The following IKZF2 variants were observed in gnomAD, a reference collection of about 807,000 sequenced individuals.
IKZF2 encodes IKAROS family zinc finger 2, also known as zinc finger protein Helios.
A neutral mutation model predicts 49.2 loss-of-function variants in IKZF2; 15 were observed. That is an observed-to-expected ratio of 0.30 (90% confidence interval 0.20 to 0.47). The LOEUF is 0.47. Among genes scored for constraint, IKZF2 ranks in the 20% least tolerant of loss-of-function variants. The pLI is 1.00. For synonymous variants in IKZF2, 227 were observed against 221.4 expected, an observed-to-expected ratio of 1.03 and a Z score of -0.23; for missense variants, 567 against 664.6, an observed-to-expected ratio of 0.85 and a Z score of 1.61.
intron 4 of IKZF2, among the ~76,000 whole-genome samples, chr2:213,087,857 T>C (rs1044257888): frequency 6.6e-6 from 1 of 152,210 alleles, no homozygotes; most frequent in African/African-American, 2.4e-5. Flanking sequence ...CTGCATAGTA[T>C]TTATTCCATG....
chr2:213,103,981 C>T (rs1341845864), intron 4 of IKZF2, among the ~76,000 whole-genome samples: 1 of 151,844 alleles, frequency 6.6e-6, no homozygotes, highest in Admixed American at 6.6e-5. Context: ...TTTTAGTATT[C>T]AGAATTATAT....
intron 4 of IKZF2, among the ~76,000 whole-genome samples, chr2:213,059,723 G>A (rs952498417): frequency 4.0e-5 from 6 of 151,412 alleles, no homozygotes; most frequent in Non-Finnish European, 1.5e-5. Flanking sequence ...TGAAGAATAT[G>A]ACTGACATTA....
chr2:213,016,642 C>T (rs1051791538), intron 7 of IKZF2, among the ~76,000 whole-genome samples: 32 of 152,182 alleles, frequency 2.1e-4, no homozygotes, highest in Middle Eastern at 3.4e-3. Flanking sequence ...GGTAACTTCC[C>T]CTGTTTGAAC....
Position 213,003,759 on chromosome 2 carries a change from G to T in IKZF2, c.*3601C>A, listed in dbSNP as rs997640471. 8 of 151,626 alleles carry T rather than the reference G, an allele frequency of 5.3e-5. No homozygotes were observed. Among genetic ancestry groups the T allele is most frequent in the Admixed American group, 2.0e-4 (3 of 15,178 alleles). 9.4% of individuals were successfully genotyped at this position (151,626 alleles called of 1,614,324 possible). On this transcript the variant is annotated 3_prime_UTR_variant, in exon 9 of 9. Transcript: ENST00000434687. Reference sequence around the variant, plus strand: ...ATGGTTTTGTGAGTTGTACAACTGAGATAAAAACTATAAAAACAAAATACC... The same window carrying T: ...ATGGTTTTGTGAGTTGTACAACTGATATAAAAACTATAAAAACAAAATACC...
chr2:213,085,972 T>G (rs1704540095), intron 4 of IKZF2, among the ~76,000 whole-genome samples: 1 of 152,138 alleles, frequency 6.6e-6, no homozygotes, highest in Non-Finnish European at 1.5e-5. Context: ...TGATTAAAAG[T>G]TAGCAAGTGG....
At chr2:213,047,793 T>G (rs1472328258) in intron 6 of IKZF2, among the ~76,000 whole-genome samples, 1 of 152,100 alleles carries the variant, frequency 6.6e-6, no homozygotes, top group Non-Finnish European at 1.5e-5. Context: ...AATACTTACC[T>G]CATAATTTTG....
Position 213,006,102 on chromosome 2 carries a change from C to T in IKZF2, c.*1258G>A, listed in dbSNP as rs943786581. On this transcript the variant is annotated 3_prime_UTR_variant, in exon 9 of 9. Transcript: ENST00000434687. Reference sequence around the variant, plus strand: ...TTTGCAACAAGAGTAGTAAATACTACTGAAGAAATGCTAAAATAAATAGCC... The same window carrying T: ...TTTGCAACAAGAGTAGTAAATACTATTGAAGAAATGCTAAAATAAATAGCC... The T allele has an allele frequency of 3.3e-4, 50 of 152,062 alleles. No homozygotes were observed. The highest frequency in any genetic ancestry group is 1.1e-3 in the African/African-American group (46 of 41,502). The allele number at this position is 152,062 out of a possible 1,614,324, so 9.4% of individuals were successfully genotyped here. A position where few individuals can be genotyped will look rare whatever the true frequency, so the allele number is the denominator to read the frequency against.
At chr2:213,030,812 CT>C (rs918257825) in intron 6 of IKZF2, among the ~76,000 whole-genome samples, 236 of 133,684 alleles carry the variant, frequency 1.8e-3, no homozygotes, top group South Asian at 7.9e-3. Flanking sequence ...TACTATTTTT[CT>C]TTTTTTTTTT....
chr2:213,018,803 A>G (rs1237205633), intron 7 of IKZF2, among the ~76,000 whole-genome samples: 2 of 152,086 alleles, frequency 1.3e-5, no homozygotes, highest in Non-Finnish European at 2.9e-5. Context: ...TTCTCCTTGA[A>G]TATACATTCT....
intron 4 of IKZF2, among the ~76,000 whole-genome samples, chr2:213,124,781 T>C (rs16849791): frequency 0.022 from 3,330 of 152,276 alleles, 128 homozygotes; most frequent in African/African-American, 0.076. Context: ...GGAATTCAAC[T>C]TGCTAATCAA....
intron 4 of IKZF2, among the ~76,000 whole-genome samples, chr2:213,065,794 T>A (rs150657406): frequency 3.9e-5 from 6 of 152,126 alleles, no homozygotes; most frequent in African/African-American, 9.6e-5. Flanking sequence ...TATTTCCCTA[T>A]GATGCCAAAA....
intron 4 of IKZF2, among the ~76,000 whole-genome samples, chr2:213,060,415 T>C (rs927927920): frequency 6.6e-6 from 1 of 151,402 alleles, no homozygotes. Flanking sequence ...TACAATAATA[T>C]TCAGAGTGCT....
intron 4 of IKZF2, among the ~76,000 whole-genome samples, chr2:213,057,527 T>C (rs1701277815): frequency 6.6e-6 from 1 of 152,172 alleles, no homozygotes; most frequent in Non-Finnish European, 1.5e-5. Context: ...ATACTTCATA[T>C]TCTCTGTTTC....
At position 213,007,433 on chromosome 2, in the gene IKZF2, A is replaced by T; in HGVS notation, c.1508T>A (p.Ile503Asn). 1 of 1,613,542 alleles carries T rather than the reference A, an allele frequency of 6.2e-7. No homozygotes were observed. Among genetic ancestry groups the T allele is most frequent in the Non-Finnish European group, 8.5e-7 (1 of 1,179,658 alleles). ...HGYRDPLECN[I>N]CGYRSQDRYE... ...ACGGTCCTGGCTTCTGTAGCCACAG[A>T]TGTTGCATTCCAGTGGGTCCCGGTA... Residue 503 changes from isoleucine (I) to asparagine (N), a missense_variant, in exon 9 of 9, where the codon ATC becomes AAC. Transcript: ENST00000434687.
chr2:213,040,128 C>T (rs1006746069), intron 6 of IKZF2, among the ~76,000 whole-genome samples: 1 of 151,890 alleles, frequency 6.6e-6, no homozygotes, highest in Non-Finnish European at 1.5e-5. Context: ...TTGAATTTTT[C>T]ATCTGGTAGA....
At chr2:213,010,336 T>C (rs1028668390) in intron 8 of IKZF2, among the ~76,000 whole-genome samples, 1 of 152,056 alleles carries the variant, frequency 6.6e-6, no homozygotes, top group African/African-American at 2.4e-5. Context: ...GAACCTGGAA[T>C]AACACTAAGA....
chr2:213,016,244 T>G (rs1239653672), intron 7 of IKZF2, among the ~76,000 whole-genome samples: 1 of 152,112 alleles, frequency 6.6e-6, no homozygotes, highest in Non-Finnish European at 1.5e-5. Context: ...ATCTTCACTG[T>G]ACAGATGAGA....
intron 6 of IKZF2, among the ~76,000 whole-genome samples, chr2:213,034,714 T>C (rs1048455313): frequency 3.3e-5 from 5 of 152,056 alleles, no homozygotes; most frequent in Admixed American, 3.3e-4. Flanking sequence ...ACAGACATAA[T>C]AATGAGCAAA....
chr2:213,128,267 A>G (rs2060334192), intron 4 of IKZF2, among the ~76,000 whole-genome samples: 1 of 152,202 alleles, frequency 6.6e-6, no homozygotes, highest in Non-Finnish European at 1.5e-5. Flanking sequence ...ATAAATCACA[A>G]CAGCAAACGT....
Sources: gnomAD v4.1 joint callset for allele counts (sites outside exome capture counted in the v4.1 genomes callset) on GRCh38, gnomAD v4.1.1 for gene constraint, MANE v1.5 for transcripts, NCBI Gene and HGNC (gene_info 2026-07-23, HGNC 2026-07-21) for gene names.